The following CMSS1 variants were observed in gnomAD, a reference collection of about 807,000 sequenced individuals.
CMSS1 encodes protein CMSS1.
Under a neutral mutation model 43.5 loss-of-function variants are expected in CMSS1, and 33 were observed. The observed-to-expected ratio is 0.76, with a 90% CI of 0.57 to 1.01. The LOEUF (loss-of-function observed/expected upper bound fraction) is 1.01. Ranked by LOEUF, CMSS1 falls within the 50% of genes least tolerant of loss-of-function variation. CMSS1 has a pLI of 0.00. For missense variants in CMSS1, 313 were observed against 326.4 expected (o/e 0.96, Z 0.32); for synonymous variants, 115 against 117.2 (o/e 0.98, Z 0.12).
chr3:99,954,690 G>A (rs771929574), intron 1 of CMSS1, among the ~76,000 whole-genome samples: 1 of 152,074 alleles, frequency 6.6e-6, no homozygotes, highest in Non-Finnish European at 1.5e-5. Flanking sequence ...GCCAAGCATG[G>A]TGGTGCCCAC....
intron 1 of CMSS1, among the ~76,000 whole-genome samples, chr3:100,052,078 G>A (rs1323958809): frequency 6.6e-6 from 1 of 151,916 alleles, no homozygotes; most frequent in Non-Finnish European, 1.5e-5. Flanking sequence ...TGTGTTATTT[G>A]TCACATGTTA....
At chr3:100,114,582 C>T in intron 1 of CMSS1, 1 of 184,840 alleles carries the variant, frequency 5.4e-6, no homozygotes, top group Non-Finnish European at 1.1e-5. Flanking sequence ...CACTCTTTGG[C>T]CAGCAACTCT....
intron 1 of CMSS1, among the ~76,000 whole-genome samples, chr3:99,988,341 C>CAAAAA (rs63321762): frequency 1.6e-5 from 1 of 62,324 alleles, no homozygotes; most frequent in Non-Finnish European, 3.4e-5. Context: ...ACTAAAAATC[C>CAAAAA]AAAAAAAAAA....
At chr3:100,086,454 T>G (rs1195763352) in intron 1 of CMSS1, among the ~76,000 whole-genome samples, 2 of 152,226 alleles carry the variant, frequency 1.3e-5, no homozygotes, top group Admixed American at 1.3e-4. Context: ...TTATCTGTGC[T>G]TTCTCACTTA....
chr3:100,056,819 A>G (rs1221707366), intron 1 of CMSS1, among the ~76,000 whole-genome samples: 1 of 152,056 alleles, frequency 6.6e-6, no homozygotes, highest in African/African-American at 2.4e-5. Flanking sequence ...CCTGGCTAAC[A>G]CAGTGAAACC....
chr3:99,866,523 C>A (rs2107570444), intron 1 of CMSS1, among the ~76,000 whole-genome samples: 1 of 152,184 alleles, frequency 6.6e-6, no homozygotes, highest in South Asian at 2.1e-4. Context: ...CATTTTGATC[C>A]TTAGAGGACT....
At chr3:99,908,261 A>G (rs1278810232) in intron 1 of CMSS1, among the ~76,000 whole-genome samples, 1 of 152,254 alleles carries the variant, frequency 6.6e-6, no homozygotes, top group African/African-American at 2.4e-5. Flanking sequence ...TCTATTATAA[A>G]GTGAGAAGAG....
intron 9 of CMSS1, 102 bp downstream of exon 9, chr3:100,176,517 G>C (rs2067149854): frequency 2.8e-6 from 2 of 713,392 alleles, no homozygotes; most frequent in African/African-American, 1.8e-5. Flanking sequence ...GCACATGTTA[G>C]ATTTTGAAAT....
intron 1 of CMSS1, among the ~76,000 whole-genome samples, chr3:99,942,660 C>T (rs1335767275): frequency 2.6e-5 from 4 of 151,896 alleles, no homozygotes; most frequent in Non-Finnish European, 5.9e-5. Flanking sequence ...GGTGAAACCC[C>T]GTCTCTACTA....
At chr3:99,968,968 G>A (rs375769009) in intron 1 of CMSS1, among the ~76,000 whole-genome samples, 2 of 151,320 alleles carry the variant, frequency 1.3e-5, no homozygotes, top group African/African-American at 2.4e-5. Flanking sequence ...GAAGCAAAAA[G>A]AAAAAAAAAT....
chr3:100,043,627 C>T (rs1244200912), intron 1 of CMSS1, among the ~76,000 whole-genome samples: 1 of 152,190 alleles, frequency 6.6e-6, no homozygotes, highest in Non-Finnish European at 1.5e-5. Flanking sequence ...GAGAAATTTA[C>T]ATCCCTGGAA....
At chr3:99,890,263 C>T (rs962328063) in intron 1 of CMSS1, among the ~76,000 whole-genome samples, 1 of 152,016 alleles carries the variant, frequency 6.6e-6, no homozygotes, top group African/African-American at 2.4e-5. Flanking sequence ...CCTTTTTTCC[C>T]TGGCTGTTTT....
At chr3:100,149,346 A>C (rs574902849) in intron 2 of CMSS1, among the ~76,000 whole-genome samples, 38 of 152,218 alleles carry the variant, frequency 2.5e-4, no homozygotes, top group African/African-American at 8.7e-4. Context: ...GACTCCAAGG[A>C]TACTGTTGCT....
intron 1 of CMSS1, among the ~76,000 whole-genome samples, chr3:99,924,875 C>T (rs1293287282): frequency 6.6e-6 from 1 of 152,170 alleles, no homozygotes; most frequent in African/African-American, 2.4e-5. Flanking sequence ...TTAATTGATA[C>T]TTTTGGGTGC....
At chr3:99,860,592 C>A (rs988472864) in intron 1 of CMSS1, among the ~76,000 whole-genome samples, 2 of 152,110 alleles carry the variant, frequency 1.3e-5, no homozygotes, top group African/African-American at 4.8e-5. Context: ...TAGGCAGCTA[C>A]AAGGAGAATA....
chr3:99,968,968 G>GA (rs11414872), intron 1 of CMSS1, among the ~76,000 whole-genome samples: 148,879 of 151,446 alleles, frequency 0.98, 73,201 homozygotes, highest in Middle Eastern at 1. Flanking sequence ...GAAGCAAAAA[G>GA]AAAAAAAAAT....
At chr3:100,084,867 G>T (rs1361356746) in intron 1 of CMSS1, among the ~76,000 whole-genome samples, 1 of 152,202 alleles carries the variant, frequency 6.6e-6, no homozygotes, top group East Asian at 1.9e-4. Context: ...TCCCCAATCA[G>T]TCCCAGCCTT....
At chr3:100,144,670 A>G (rs1300583704) in intron 1 of CMSS1, among the ~76,000 whole-genome samples, 2 of 152,186 alleles carry the variant, frequency 1.3e-5, no homozygotes, top group Non-Finnish European at 2.9e-5. Context: ...CTGTTTGGCT[A>G]CAGTCAAGTG....
chr3:99,863,000 T>C lies in CMSS1; in HGVS notation c.64+44957T>C, dbSNP rs181748566. Among the ~76,000 whole-genome samples, 8 of 152,344 alleles carry C rather than the reference T, an allele frequency of 5.3e-5. No individual in the cohort carries two copies. In the East Asian group the frequency reaches 1.3e-3, roughly 26 times the overall value. On this transcript the variant is annotated intron_variant, in intron 1 of 9. Coordinates refer to ENST00000421999, the MANE Select transcript of CMSS1 (RefSeq NM_032359.4). ...CTGCTCTTCATTTTTTGGATGTGAA[T>C]GTGTACTTTGTCTGCTGGGTTTAGA...
Sources: gnomAD v4.1 joint callset for allele counts (sites outside exome capture counted in the v4.1 genomes callset) on GRCh38, gnomAD v4.1.1 for gene constraint, MANE v1.5 for transcripts, NCBI Gene and HGNC (gene_info 2026-07-23, HGNC 2026-07-21) for gene names.